TRIM16: variants seen among roughly 807,000 people sequenced by gnomAD.
TRIM16 encodes the protein tripartite motif-containing protein 16.
In TRIM16, 33 loss-of-function variants were observed where a neutral mutation model predicts 50.4. The ratio of observed to expected loss-of-function variants is 0.65; its 90% CI spans 0.50 to 0.88. The LOEUF (loss-of-function observed/expected upper bound fraction) is 0.88. Among genes scored for constraint, TRIM16 ranks in the 40% least tolerant of loss-of-function variants. The probability of loss-of-function intolerance (pLI) is 0.00; values close to 1 mark genes in which losing one functional copy is unlikely to be tolerated. For missense variants in TRIM16, 581 were observed against 686.8 expected (o/e 0.85, Z 1.72); for synonymous variants, 229 against 270.7 (o/e 0.85, Z 1.51).
At chr17:15,674,354 G>C (rs888007519) in intron 6 of TRIM16, among the ~76,000 whole-genome samples, 10 of 151,302 alleles carry the variant, frequency 6.6e-5, no homozygotes, top group African/African-American at 2.4e-4. Flanking sequence ...TGGTGACAGA[G>C]CAAGACTCCG....
chr17:15,646,295 T>C (rs1350972694), intron 7 of TRIM16, among the ~76,000 whole-genome samples: 1 of 145,692 alleles, frequency 6.9e-6, no homozygotes, highest in Non-Finnish European at 1.5e-5. Flanking sequence ...TCCTGTTCCT[T>C]GAAAATGATG....
At chr17:15,657,985 A>G (rs1034027194) in intron 6 of TRIM16, among the ~76,000 whole-genome samples, 1 of 152,166 alleles carries the variant, frequency 6.6e-6, no homozygotes, top group Non-Finnish European at 1.5e-5. Context: ...TTTTTCCTAA[A>G]CCAAACCTAC....
intron 6 of TRIM16, among the ~76,000 whole-genome samples, chr17:15,676,431 C>CTTTT (rs57392285): frequency 3.2e-5 from 4 of 125,732 alleles, no homozygotes; most frequent in Non-Finnish European, 4.9e-5. Flanking sequence ...AGAATTTTTT[C>CTTTT]TTTTTTTTTT....
At chr17:15,655,130 CAG>C (rs1424492508) in intron 6 of TRIM16, among the ~76,000 whole-genome samples, 2 of 152,182 alleles carry the variant, frequency 1.3e-5, no homozygotes, top group Non-Finnish European at 2.9e-5. Flanking sequence ...AGACCATTGT[CAG>C]TGTTTTCTCC....
chr17:15,650,150 TCTTTC>T (rs1428609034), intron 7 of TRIM16, among the ~76,000 whole-genome samples: 5 of 152,162 alleles, frequency 3.3e-5, no homozygotes, highest in Admixed American at 2.0e-4. Flanking sequence ...CCTAGAAACC[TCTTTC>T]CTTTGATGCC....
Position 15,628,639 on chromosome 17 carries a change from C to T in TRIM16, c.1671G>A (p.Pro557=), listed in dbSNP as rs1367248878. The T allele has an allele frequency of 5.0e-6, 8 of 1,611,780 alleles. No individual in the cohort carries two copies. Among genetic ancestry groups the T allele is most frequent in the Non-Finnish European group, 5.1e-6 (6 of 1,178,658 alleles). The stretch of plus-strand genomic sequence containing the variant: ...TCTAGGGAGCAGTCCCCACCAAGGA[C>T]GGTGCTGGCTTCTCGGGTTCCTCTC... ...DLGEEPEKPA[P]SLVGTAP Residue 557 remains proline, a synonymous_variant, in exon 12 of 12, where the codon CCG becomes CCA. Coordinates refer to ENST00000649191, the MANE Select transcript of TRIM16 (RefSeq NM_001348119.1).
At chr17:15,680,660 C>A (rs542378974) in intron 4 of TRIM16, among the ~76,000 whole-genome samples, 1 of 152,090 alleles carries the variant, frequency 6.6e-6, no homozygotes, top group Non-Finnish European at 1.5e-5. Flanking sequence ...AACTGAGGAA[C>A]ACGCAAACAC....
chr17:15,654,320 G>C (rs1371894559), intron 6 of TRIM16: 1 of 152,184 alleles, frequency 6.6e-6, no homozygotes, highest in African/African-American at 2.4e-5. Flanking sequence ...CACTGTCCCT[G>C]TCCTGACTGC....
intron 7 of TRIM16, among the ~76,000 whole-genome samples, chr17:15,644,294 T>A (rs1286246216): frequency 1.3e-5 from 2 of 152,112 alleles, no homozygotes; most frequent in Non-Finnish European, 2.9e-5. Context: ...CAAGCAATTC[T>A]CCTGCTTCAG....
At chr17:15,681,623 C>A (rs1989186715) in intron 3 of TRIM16, among the ~76,000 whole-genome samples, 1 of 152,200 alleles carries the variant, frequency 6.6e-6, no homozygotes, top group South Asian at 2.1e-4. Flanking sequence ...CAACAAGCAA[C>A]CTTCTGCTCA....
chr17:15,657,357 C>A (rs927057289), intron 6 of TRIM16, among the ~76,000 whole-genome samples: 1 of 152,186 alleles, frequency 6.6e-6, no homozygotes. Flanking sequence ...CCATCTCCAC[C>A]TCCCAAGTAG....
chr17:15,668,609 G>A lies in TRIM16; in HGVS notation c.-338+8567C>T, dbSNP rs189062238. Among the ~76,000 whole-genome samples the A allele has an allele frequency of 3.0e-4, 45 of 152,080 alleles. 2 individuals are homozygous for A. The East Asian group carries it at 8.5e-3, about 29-fold the overall frequency. ...TCTGGCCTTCCTTCAGTCCCTTGCCGTTTTCTCCTGTCTCTAGGCTTTTGC... is the reference window on the plus strand; with the variant it reads ...TCTGGCCTTCCTTCAGTCCCTTGCCATTTTCTCCTGTCTCTAGGCTTTTGC... On this transcript the variant is annotated intron_variant, in intron 6 of 11. Transcript: ENST00000649191.
At chr17:15,649,220 A>G in intron 7 of TRIM16, among the ~76,000 whole-genome samples, 1 of 152,124 alleles carries the variant, frequency 6.6e-6, no homozygotes, top group East Asian at 1.9e-4. Context: ...GAGAAAACGG[A>G]GGTTTGGTGA....
At chr17:15,645,630 G>A (rs1340206724) in intron 7 of TRIM16, among the ~76,000 whole-genome samples, 1 of 152,058 alleles carries the variant, frequency 6.6e-6, no homozygotes, top group Non-Finnish European at 1.5e-5. Flanking sequence ...TTAAAGCTGC[G>A]AGTCATTATG....
At position 15,651,425 on chromosome 17, in the gene TRIM16, G is replaced by C; in HGVS notation, c.185C>G (p.Ser62Cys). 1.9e-6 allele frequency: 3 copies of C among 1,614,002 alleles called. No individual in the cohort carries two copies. Among genetic ancestry groups the C allele is most frequent in the Non-Finnish European group, 2.5e-6 (3 of 1,179,910 alleles). The change falls in exon 7 of 12, where the codon TCT becomes TGT. Residue 62 changes from serine to cysteine, a missense_variant. By Grantham distance (112) the Ser-to-Cys change is moderately radical. Transcript: ENST00000649191. ...ACCAGCAGGATCCCCCTGCTCTGCA[G>C]AGTCGCTGTCCTGTTCCTCCGTCTC... ...GRETEEQDSD[S>C]AEQGDPAGEG...
rs34158100 is a variant in TRIM16, at chr17:15,652,455, CTTTTTTTTTTT to C, written c.-337-520_-337-510del. Among the ~76,000 whole-genome samples the C allele has an allele frequency of 9.2e-5, 6 of 65,358 alleles. 1 individual carries two copies. The highest frequency in any genetic ancestry group is 0.023 in the Middle Eastern group (2 of 86). The allele number at this position is 65,358 out of a possible 152,430, so 42.9% of individuals were successfully genotyped here. ...ATTACAGGTGAGCCACGGTGCCCAC[CTTTTTTTTTTT>C]TTTTTTTTTTTTTTTGAGACACAGT... On this transcript the variant is annotated intron_variant, in intron 6 of 11. Coordinates refer to ENST00000649191, the MANE Select transcript of TRIM16 (RefSeq NM_001348119.1).
At chr17:15,681,211 G>A (rs1989169549) in intron 3 of TRIM16, 1 of 306,932 alleles carries the variant, frequency 3.3e-6, no homozygotes, top group Admixed American at 5.1e-5. Flanking sequence ...GGTTCCCTGG[G>A]ACCAAAAAAC....
intron 6 of TRIM16, among the ~76,000 whole-genome samples, chr17:15,666,975 G>GCA (rs869243721): frequency 4.6e-5 from 7 of 152,050 alleles, no homozygotes; most frequent in Admixed American, 3.9e-4. Context: ...CTCTGCCTTG[G>GCA]GGGGGCGGTG....
intron 6 of TRIM16, among the ~76,000 whole-genome samples, chr17:15,663,771 C>T (rs186010330): frequency 1.6e-4 from 24 of 152,302 alleles, no homozygotes; most frequent in Middle Eastern, 3.4e-3. Context: ...TACCAGTCTC[C>T]ATACAATGAA....
Sources: gnomAD v4.1 joint callset for allele counts (sites outside exome capture counted in the v4.1 genomes callset) on GRCh38, gnomAD v4.1.1 for gene constraint, MANE v1.5 for transcripts, NCBI Gene and HGNC (gene_info 2026-07-23, HGNC 2026-07-21) for gene names.